The following CHST3 variants were observed in gnomAD, a reference collection of about 807,000 sequenced individuals.
CHST3 encodes carbohydrate sulfotransferase 3.
In CHST3, 20 loss-of-function variants were observed where a neutral mutation model predicts 35.4. The ratio of observed to expected loss-of-function variants is 0.57; its 90% CI spans 0.40 to 0.82. The LOEUF is 0.82. Among genes scored for constraint, CHST3 ranks in the 40% least tolerant of loss-of-function variants. CHST3 has a pLI of 0.00. For missense variants in CHST3, 693 were observed against 670.1 expected (o/e 1.03, Z -0.38); for synonymous variants, 334 against 295.9 (o/e 1.13, Z -1.32).
chr10:71,977,022 A>T (rs191225655), intron 1 of CHST3, among the ~76,000 whole-genome samples: 7 of 152,318 alleles, frequency 4.6e-5, no homozygotes, highest in African/African-American at 1.7e-4. Flanking sequence ...CCAGCTTTAA[A>T]ACAAAACCCT....
intron 1 of CHST3, among the ~76,000 whole-genome samples, chr10:71,984,388 C>A (rs1246909087): frequency 6.6e-6 from 1 of 152,206 alleles, no homozygotes; most frequent in Non-Finnish European, 1.5e-5. Flanking sequence ...TCAGTAAATC[C>A]CTTCATCCCT....
Position 72,007,338 on chromosome 10 carries a change from G to A in CHST3, c.307G>A (p.Val103Met), listed in dbSNP as rs201211046. The change falls in exon 3 of 3, where the codon GTG becomes ATG. Residue 103 changes from valine (V) to methionine (M), a missense_variant. Transcript: ENST00000373115. Reference protein sequence around the residue: ...RLRNLSLQLGVEPAMEAAGEE... With the variant: ...RLRNLSLQLGMEPAMEAAGEE... ...CCGCAACCTCAGCTTGCAGCTGGGC[G>A]TGGAGCCAGCCATGGAGGCCGCAGG... The A allele has an allele frequency of 4.3e-6, 7 of 1,610,000 alleles. No individual in the cohort carries two copies. Among genetic ancestry groups the A allele is most frequent in the South Asian group, 1.1e-5 (1 of 90,428 alleles).
At chr10:72,006,585 C>T (rs144602296) in intron 2 of CHST3, among the ~76,000 whole-genome samples, 2 of 152,326 alleles carry the variant, frequency 1.3e-5, no homozygotes, top group African/African-American at 2.4e-5. Flanking sequence ...AATCTGGGAA[C>T]GCCCCTTTAC....
At chr10:71,996,918 G>GTTTTA (rs970546675) in intron 1 of CHST3, among the ~76,000 whole-genome samples, 2 of 151,678 alleles carry the variant, frequency 1.3e-5, no homozygotes, top group African/African-American at 4.9e-5. Context: ...TTTGTTTTTT[G>GTTTTA]TTTTGTTTTG....
At chr10:71,999,778 A>G (rs1839974880) in intron 1 of CHST3, among the ~76,000 whole-genome samples, 1 of 152,238 alleles carries the variant, frequency 6.6e-6, no homozygotes, top group African/African-American at 2.4e-5. Context: ...TTGCCAAGTC[A>G]CGAGGGAGGC....
chr10:72,001,197 G>C lies in CHST3; in HGVS notation c.-107-4539G>C, dbSNP rs142212690. On this transcript the variant is annotated intron_variant, in intron 1 of 2. Transcript: ENST00000373115. The stretch of plus-strand genomic sequence containing the variant: ...CGTGGTGTGCACTCACCAGATGGTC[G>C]CCGCCCTGAAAGAACTCAGCACTGT... 1.7e-3 allele frequency among the ~76,000 whole-genome samples: 254 copies of C among 152,306 alleles called. 1 individual carries two copies. Among genetic ancestry groups the C allele is most frequent in the African/African-American group, 5.8e-3 (243 of 41,570 alleles).
In CHST3 at chr10:72,008,516, C is replaced by T. The variant is rs751506408; in HGVS notation, c.*45C>T. Reference sequence around the variant, plus strand: ...GCCCCTCCTCGTGAAAGGCCTGCCCCGTCTTTCTGCCGCAGCCCTCGCAGA... The same window carrying T: ...GCCCCTCCTCGTGAAAGGCCTGCCCTGTCTTTCTGCCGCAGCCCTCGCAGA... On this transcript the variant is annotated 3_prime_UTR_variant, in exon 3 of 3. Transcript: ENST00000373115. 1.4e-6 allele frequency: 2 copies of T among 1,462,872 alleles called. No individual in the cohort carries two copies. Among genetic ancestry groups the T allele is most frequent in the East Asian group, 2.5e-5 (1 of 40,166 alleles). 90.6% of individuals were successfully genotyped at this position (1,462,872 alleles called of 1,614,324 possible). A position where few individuals can be genotyped will look rare whatever the true frequency, so the allele number is the denominator to read the frequency against.
chr10:71,995,805 C>A (rs998646132), intron 1 of CHST3, among the ~76,000 whole-genome samples: 7 of 152,116 alleles, frequency 4.6e-5, no homozygotes, highest in Non-Finnish European at 1.0e-4. Flanking sequence ...GTAACATCAA[C>A]AATCACTGAT....
rs1840127495 is a variant in CHST3 at position 72,012,973 on chromosome 10, T to G, written c.*4502T>G. 2 of 152,316 alleles carry G rather than the reference T, an allele frequency of 1.3e-5. No homozygotes were observed. The highest frequency in any genetic ancestry group is 4.2e-4 in the South Asian group (2 of 4,810). 9.4% of individuals were successfully genotyped at this position (152,316 alleles called of 1,614,324 possible). On this transcript the variant is annotated 3_prime_UTR_variant, in exon 3 of 3. Coordinates refer to ENST00000373115, the MANE Select transcript of CHST3 (RefSeq NM_004273.5). ...CCCCGTAACTGGACTGGGGACAAAT[T>G]TGTTACGTGTTTCCAAGGCTACAGA...
chr10:72,006,947 T>C (rs1247678253), intron 2 of CHST3, among the ~76,000 whole-genome samples: 1 of 152,210 alleles, frequency 6.6e-6, no homozygotes, highest in Admixed American at 6.5e-5. Context: ...TAGCAGCACA[T>C]CCATCATGCA....
chr10:72,007,991 C>A lies in CHST3; in HGVS notation c.960C>A (p.Thr320=). ...TGGCCTTCGCCGGCAAGTATAAGAC[C>A]TGGAAGAAGTGGCTGGACGACGAGG... ...RMVAFAGKYK[T]WKKWLDDEGQ... is the part of the protein sequence containing the mutation. The change falls in exon 3 of 3, where the codon ACC becomes ACA. Residue 320 remains threonine, a synonymous_variant. Transcript: ENST00000373115. 2.6e-6 allele frequency: 4 copies of A among 1,549,584 alleles called. No homozygotes were observed. Among genetic ancestry groups the A allele is most frequent in the East Asian group, 2.4e-5 (1 of 40,884 alleles).
chr10:71,993,080 CT>C (rs780772009), intron 1 of CHST3, among the ~76,000 whole-genome samples: 2 of 152,188 alleles, frequency 1.3e-5, no homozygotes, highest in African/African-American at 4.8e-5. Flanking sequence ...ATGAGATTTT[CT>C]TTGCGTTTTT....
At chr10:71,992,450 G>A (rs1839905449) in intron 1 of CHST3, among the ~76,000 whole-genome samples, 2 of 151,550 alleles carry the variant, frequency 1.3e-5, no homozygotes, top group South Asian at 4.1e-4. Context: ...CCAAAGTGAT[G>A]GGATTACAGG....
Position 72,008,628 on chromosome 10 carries a change from G to C in CHST3, c.*157G>C. On this transcript the variant is annotated 3_prime_UTR_variant, in exon 3 of 3. Transcript: ENST00000373115. ...CGCTCCAGCCAAAGCGGCGGCCCCA[G>C]GGTTAATTGCGGAGAACAGGACAGT... The C allele has an allele frequency of 7.1e-7, 1 of 1,403,014 alleles. No homozygotes were observed. The highest frequency in any genetic ancestry group is 9.3e-7 in the Non-Finnish European group (1 of 1,072,236). 86.9% of individuals were successfully genotyped at this position (1,403,014 alleles called of 1,614,324 possible).
Position 72,008,020 on chromosome 10 carries a change from A to G in CHST3, c.989A>G (p.Gln330Arg). 6.5e-7 allele frequency: 1 copy of G among 1,549,538 alleles called. No homozygotes were observed. The highest frequency in any genetic ancestry group is 1.2e-5 in the South Asian group (1 of 84,042). The change falls in exon 3 of 3, where the codon CAG becomes CGG. Residue 330 changes from glutamine to arginine, a missense_variant. Transcript: ENST00000373115. ...TWKKWLDDEG[Q>R]DGLREEEVQR... ...AAGAAGTGGCTGGACGACGAGGGCC[A>G]GGACGGCCTGAGGGAAGAGGAGGTG...
At chr10:72,002,304 T>C (rs970132818) in intron 1 of CHST3, among the ~76,000 whole-genome samples, 3 of 152,022 alleles carry the variant, frequency 2.0e-5, no homozygotes, top group Non-Finnish European at 4.4e-5. Flanking sequence ...AAAAAAGAAA[T>C]AGTCCCTGGA....
intron 1 of CHST3, among the ~76,000 whole-genome samples, chr10:71,983,690 A>T (rs973491624): frequency 2.0e-5 from 3 of 152,180 alleles, no homozygotes; most frequent in Non-Finnish European, 4.4e-5. Flanking sequence ...AACTCAAGTG[A>T]TTCACCTGCC....
At chr10:71,976,108 G>A (rs746086722) in intron 1 of CHST3, among the ~76,000 whole-genome samples, 3 of 152,206 alleles carry the variant, frequency 2.0e-5, no homozygotes, top group Non-Finnish European at 2.9e-5. Flanking sequence ...GATTCATTCT[G>A]CAGTCACTGG....
chr10:71,994,476 T>A (rs895015979), intron 1 of CHST3, among the ~76,000 whole-genome samples: 28 of 152,170 alleles, frequency 1.8e-4, no homozygotes, highest in African/African-American at 6.5e-4. Flanking sequence ...CTTAAAATAT[T>A]GAATAAATCA....
Sources: gnomAD v4.1 joint callset for allele counts (sites outside exome capture counted in the v4.1 genomes callset) on GRCh38, gnomAD v4.1.1 for gene constraint, MANE v1.5 for transcripts, NCBI Gene and HGNC (gene_info 2026-07-23, HGNC 2026-07-21) for gene names.